The following ZNF69 variants were observed in gnomAD, a reference collection of about 807,000 sequenced individuals.
ZNF69 encodes zinc finger protein 69, also known as ZNF3.
A neutral mutation model predicts 50.9 loss-of-function variants in ZNF69; 47 were observed. The ratio of observed to expected loss-of-function variants is 0.92; its 90% CI spans 0.73 to 1.18. The LOEUF (loss-of-function observed/expected upper bound fraction) is 1.18. Ranked by LOEUF, ZNF69 falls within the 50% of genes most tolerant of loss-of-function variation. ZNF69 has a pLI of 0.00. For synonymous variants in ZNF69, 216 were observed against 223.1 expected (o/e 0.97, Z 0.29); for missense variants, 717 against 675.1 (o/e 1.06, Z -0.69).
chr19:11,928,259 TAC>T, the ZNF69 span, among the ~76,000 whole-genome samples: 1 of 152,226 alleles, frequency 6.6e-6, no homozygotes, highest in Non-Finnish European at 1.5e-5. Context: ...GTGCTGGGAT[TAC>T]AGATACAGAT....
At chr19:11,941,822 G>A in the ZNF69 span, among the ~76,000 whole-genome samples, 2 of 152,238 alleles carry the variant, frequency 1.3e-5, no homozygotes, top group Admixed American at 1.3e-4. Context: ...AAGAGCGAGC[G>A]AGGGCTGTGA....
the ZNF69 span, among the ~76,000 whole-genome samples, chr19:11,968,559 T>C: frequency 6.6e-6 from 1 of 152,178 alleles, no homozygotes; most frequent in African/African-American, 2.4e-5. Flanking sequence ...TAATTTGTAG[T>C]GGTTTGCTTT....
the ZNF69 span, among the ~76,000 whole-genome samples, chr19:11,954,077 G>T: frequency 1.3e-5 from 2 of 152,064 alleles, no homozygotes; most frequent in African/African-American, 4.8e-5. Context: ...TCAGATCAAG[G>T]AAGTTAAGCA....
the ZNF69 span, among the ~76,000 whole-genome samples, chr19:11,962,180 G>C: frequency 5.3e-5 from 8 of 152,160 alleles, no homozygotes; most frequent in African/African-American, 1.4e-4. Flanking sequence ...CACTTGGGAG[G>C]CTGAGGGGGG....
chr19:11,916,193 A>C (rs1206808236), downstream of ZNF69, among the ~76,000 whole-genome samples: 3 of 152,258 alleles, frequency 2.0e-5, no homozygotes, highest in Non-Finnish European at 4.4e-5. Flanking sequence ...TCATTAAAAC[A>C]GTTCATAACA....
chr19:11,979,743 C>A, the ZNF69 span: 1 of 1,580,666 alleles, frequency 6.3e-7, no homozygotes, highest in East Asian at 2.3e-5. Context: ...GCCTTCAGAT[C>A]TGCCCCACAC....
chr19:11,914,029 T>C (rs1568284329), exon 5 of ZNF69: 1 of 152,204 alleles, frequency 6.6e-6, no homozygotes, highest in Non-Finnish European at 1.5e-5. Flanking sequence ...ATGTGTCTCT[T>C]CAACAGTAAA....
At chr19:11,951,216 C>G in the ZNF69 span, among the ~76,000 whole-genome samples, 1 of 148,612 alleles carries the variant, frequency 6.7e-6, no homozygotes, top group Admixed American at 6.7e-5. Flanking sequence ...TTTATCTCAA[C>G]CCTAATTTTG....
chr19:11,901,839 CT>C (rs1243297766), intron 1 of ZNF69, among the ~76,000 whole-genome samples: 2 of 152,014 alleles, frequency 1.3e-5, no homozygotes, highest in Non-Finnish European at 2.9e-5. Flanking sequence ...AACTTATCAG[CT>C]TAAGAAATTT....
the ZNF69 span, chr19:11,946,659 T>C: frequency 6.6e-6 from 1 of 152,374 alleles, no homozygotes. Context: ...AACCCACCTC[T>C]AATGCTGGCC....
At chr19:11,944,963 C>G in the ZNF69 span, among the ~76,000 whole-genome samples, 1 of 152,232 alleles carries the variant, frequency 6.6e-6, no homozygotes, top group Admixed American at 6.5e-5. Context: ...CCACATCCAT[C>G]CTTCTTCCAT....
chr19:11,941,463 G>A, the ZNF69 span, among the ~76,000 whole-genome samples: 1 of 152,212 alleles, frequency 6.6e-6, no homozygotes, highest in African/African-American at 2.4e-5. Flanking sequence ...CTAAGGCCGG[G>A]TGAGAAATCG....
chr19:11,956,676 C>T, the ZNF69 span: 40 of 395,008 alleles, frequency 1.0e-4, no homozygotes, highest in Non-Finnish European at 1.5e-4. Context: ...GCCAAAATGG[C>T]GAAACCCCAT....
intron 1 of ZNF69, among the ~76,000 whole-genome samples, chr19:11,888,416 A>G (rs1977000154): frequency 6.6e-6 from 1 of 152,160 alleles, no homozygotes; most frequent in Admixed American, 6.5e-5. Context: ...ATTTGAGCAA[A>G]CAGCGATTCA....
chr19:11,914,253 T>C (rs1267536799), exon 5 of ZNF69: 13 of 152,024 alleles, frequency 8.6e-5, no homozygotes. Context: ...GAGGCAGACG[T>C]TGCAGTGAGC....
the ZNF69 span, among the ~76,000 whole-genome samples, chr19:11,941,232 A>G: frequency 6.6e-6 from 1 of 152,236 alleles, no homozygotes; most frequent in Non-Finnish European, 1.5e-5. Flanking sequence ...AGATGGCTTC[A>G]CCCAGTGGAT....
chr19:11,942,103 A>G, the ZNF69 span, among the ~76,000 whole-genome samples: 1 of 151,734 alleles, frequency 6.6e-6, no homozygotes, highest in Admixed American at 6.6e-5. Flanking sequence ...GCATTCTGAC[A>G]GGATAACTGC....
the ZNF69 span, among the ~76,000 whole-genome samples, chr19:11,974,154 CT>C: frequency 2.7e-5 from 3 of 112,130 alleles, no homozygotes; most frequent in African/African-American, 1.4e-4. Context: ...TTCTTTCTTT[CT>C]TTCCTTCCTT....
chr19:11,894,318 T>G (rs982638155), intron 1 of ZNF69, among the ~76,000 whole-genome samples: 2 of 152,104 alleles, frequency 1.3e-5, no homozygotes, highest in Admixed American at 6.5e-5. Flanking sequence ...TACAGGAGCC[T>G]TTTAGTAGAG....
Sources: gnomAD v4.1 joint callset for allele counts (sites outside exome capture counted in the v4.1 genomes callset) on GRCh38, gnomAD v4.1.1 for gene constraint, MANE v1.5 for transcripts, NCBI Gene and HGNC (gene_info 2026-07-23, HGNC 2026-07-21) for gene names.